The following RPS6KA5 variants were observed in gnomAD, a reference collection of about 807,000 sequenced individuals.
RPS6KA5 encodes the protein ribosomal protein S6 kinase A5.
A neutral mutation model predicts 85.5 loss-of-function variants in RPS6KA5; 27 were observed. That is an observed-to-expected ratio of 0.32 (90% CI 0.23 to 0.44). RPS6KA5 has a LOEUF of 0.44. Among genes scored for constraint, RPS6KA5 ranks in the 20% least tolerant of loss-of-function variants. The probability of loss-of-function intolerance (pLI) is 1.00; values close to 1 mark genes in which losing one functional copy is unlikely to be tolerated. For synonymous variants in RPS6KA5, 334 were observed against 348.2 expected (o/e 0.96, Z 0.46); for missense variants, 811 against 980.9 (o/e 0.83, Z 2.31).
chr14:90,976,896 T>C (rs1048197573), intron 3 of RPS6KA5, among the ~76,000 whole-genome samples: 1 of 152,144 alleles, frequency 6.6e-6, no homozygotes, highest in Non-Finnish European at 1.5e-5. Flanking sequence ...TAATTTCTAA[T>C]ATAAAAGCAC....
In RPS6KA5 at chr14:90,848,478, C is replaced by T. The variant is rs559551039; in HGVS notation, c.*23596G>A. On this transcript the variant is annotated 3_prime_UTR_variant, in exon 17 of 17. Transcript: ENST00000614987. Reference sequence around the variant, plus strand: ...AGAAAAGCAGATAAAGAAAAGCTGTCACTTAATAACACAGGTGGCAGCAAC... The same window carrying T: ...AGAAAAGCAGATAAAGAAAAGCTGTTACTTAATAACACAGGTGGCAGCAAC... The T allele has an allele frequency of 9.9e-5, 15 of 152,224 alleles. No individual in the cohort carries two copies. Among genetic ancestry groups the T allele is most frequent in the African/African-American group, 3.1e-4 (13 of 41,524 alleles). The allele number at this position is 152,224 out of a possible 1,614,324, so 9.4% of individuals were successfully genotyped here.
intron 2 of RPS6KA5, among the ~76,000 whole-genome samples, chr14:90,983,260 G>C (rs1458895053): frequency 6.9e-6 from 1 of 145,344 alleles, no homozygotes; most frequent in African/African-American, 2.5e-5. Flanking sequence ...CTGGGGGACA[G>C]AGCAGGACTC....
chr14:90,896,921 C>T (rs1250394171), intron 12 of RPS6KA5, among the ~76,000 whole-genome samples: 3 of 152,074 alleles, frequency 2.0e-5, no homozygotes, highest in Non-Finnish European at 1.5e-5. Context: ...TAGGGTCTCA[C>T]CATGTTGGCC....
chr14:90,928,417 C>T (rs1252354091), intron 5 of RPS6KA5, among the ~76,000 whole-genome samples: 1 of 151,496 alleles, frequency 6.6e-6, no homozygotes, highest in Non-Finnish European at 1.5e-5. Flanking sequence ...TAATAAACCT[C>T]ATCAAAGAAA....
At chr14:91,023,099 A>AAAG (rs1444423744) in intron 1 of RPS6KA5, among the ~76,000 whole-genome samples, 1 of 150,988 alleles carries the variant, frequency 6.6e-6, no homozygotes, top group Non-Finnish European at 1.5e-5. Context: ...AAAAAAAAAA[A>AAAG]AAAGATTTGT....
intron 6 of RPS6KA5, among the ~76,000 whole-genome samples, chr14:90,922,179 G>A (rs551098207): frequency 6.6e-6 from 1 of 152,168 alleles, no homozygotes; most frequent in Non-Finnish European, 1.5e-5. Flanking sequence ...GTTAAAGGCA[G>A]AAACTGGGAA....
chr14:91,014,451 G>A (rs1168280127), intron 1 of RPS6KA5, among the ~76,000 whole-genome samples: 2 of 145,790 alleles, frequency 1.4e-5, no homozygotes, highest in African/African-American at 5.1e-5. Context: ...GCAGTGAGCC[G>A]AGATCACACC....
chr14:91,016,158 G>T (rs1781245711), intron 1 of RPS6KA5, among the ~76,000 whole-genome samples: 1 of 152,140 alleles, frequency 6.6e-6, no homozygotes. Flanking sequence ...TATGGCAAGG[G>T]TATCAGCACA....
At chr14:90,880,526 T>C (rs1029946122) in intron 14 of RPS6KA5, among the ~76,000 whole-genome samples, 1 of 152,216 alleles carries the variant, frequency 6.6e-6, no homozygotes, top group Non-Finnish European at 1.5e-5. Context: ...CATCTATCCA[T>C]GGAAACTCAG....
intron 1 of RPS6KA5, among the ~76,000 whole-genome samples, chr14:91,054,795 A>G (rs913855200): frequency 7.2e-5 from 11 of 152,002 alleles, no homozygotes; most frequent in African/African-American, 2.7e-4. Flanking sequence ...TATTATTTAA[A>G]AAAAAAAATT....
At chr14:90,937,164 A>C (rs1595266506) in intron 5 of RPS6KA5, among the ~76,000 whole-genome samples, 2 of 152,130 alleles carry the variant, frequency 1.3e-5, no homozygotes, top group Non-Finnish European at 2.9e-5. Flanking sequence ...AGCCAAGCTG[A>C]GAGGTGATTT....
intron 3 of RPS6KA5, among the ~76,000 whole-genome samples, chr14:90,976,202 GAAAA>G (rs5810526): frequency 9.2e-6 from 1 of 109,018 alleles, no homozygotes; most frequent in Non-Finnish European, 1.9e-5. Flanking sequence ...TAAGAGAACA[GAAAA>G]AAAAAAAAAA....
At chr14:91,033,682 T>C (rs2139850084) in intron 1 of RPS6KA5, among the ~76,000 whole-genome samples, 1 of 152,298 alleles carries the variant, frequency 6.6e-6, no homozygotes, top group African/African-American at 2.4e-5. Flanking sequence ...AGAGTATAAA[T>C]TAATAAAACT....
In RPS6KA5 at chr14:90,870,941, C is replaced by T. The variant is rs1282684043; in HGVS notation, c.*1133G>A. Reference sequence around the variant, plus strand: ...TCAGAACTTTTGAGCAATAAAAGTGCTCTGCATAAGTTTATAAAATATGCT... The same window carrying T: ...TCAGAACTTTTGAGCAATAAAAGTGTTCTGCATAAGTTTATAAAATATGCT... On this transcript the variant is annotated 3_prime_UTR_variant, in exon 17 of 17. Coordinates refer to ENST00000614987, the MANE Select transcript of RPS6KA5 (RefSeq NM_004755.4). The T allele has an allele frequency of 6.6e-6, 1 of 151,148 alleles. No homozygotes were observed. Among genetic ancestry groups the T allele is most frequent in the East Asian group, 2.0e-4 (1 of 5,118 alleles). 9.4% of individuals were successfully genotyped at this position (151,148 alleles called of 1,614,324 possible). A position where few individuals can be genotyped will look rare whatever the true frequency, so the allele number is the denominator to read the frequency against.
At chr14:90,900,533 A>C in intron 10 of RPS6KA5, 78 bp downstream of exon 10, 1 of 1,428,626 alleles carries the variant, frequency 7.0e-7, no homozygotes, top group Middle Eastern at 1.8e-4. Flanking sequence ...TACTAGACTT[A>C]AGAACATTAA....
chr14:91,050,157 T>G (rs2043016190), intron 1 of RPS6KA5, among the ~76,000 whole-genome samples: 1 of 151,994 alleles, frequency 6.6e-6, no homozygotes, highest in African/African-American at 2.4e-5. Flanking sequence ...GCAGGAGGAT[T>G]GCTTGAGGCC....
Position 90,872,194 on chromosome 14 carries a change from G to C in RPS6KA5, c.2289C>G (p.Ser763=). ...CGTGAGAATGAGAGGAAGAAGAATGGGAACTCTCACTGGAACTGCTGCGCG... is the reference window on the plus strand; with the variant it reads ...CGTGAGAATGAGAGGAAGAAGAATGCGAACTCTCACTGGAACTGCTGCGCG... The part of the protein sequence containing the change: ...TETRSSSSES[S]HSSSSHSHGK... Residue 763 remains serine, a synonymous_variant, in exon 17 of 17, where the codon TCC becomes TCG. Coordinates refer to ENST00000614987, the MANE Select transcript of RPS6KA5 (RefSeq NM_004755.4). The C allele has an allele frequency of 6.2e-7, 1 of 1,613,866 alleles. No homozygotes were observed. The highest frequency in any genetic ancestry group is 1.1e-5 in the South Asian group (1 of 91,032).
At chr14:90,991,300 A>G (rs2040296302) in intron 2 of RPS6KA5, among the ~76,000 whole-genome samples, 1 of 152,214 alleles carries the variant, frequency 6.6e-6, no homozygotes, top group African/African-American at 2.4e-5. Flanking sequence ...GAAAGAATCC[A>G]TGCATAAGGT....
chr14:90,972,348 C>G (rs981419207), intron 3 of RPS6KA5, among the ~76,000 whole-genome samples: 5 of 152,136 alleles, frequency 3.3e-5, no homozygotes, highest in African/African-American at 1.2e-4. Context: ...CAGAGGGCAA[C>G]TAACCTTACC....
Sources: gnomAD v4.1 joint callset for allele counts (sites outside exome capture counted in the v4.1 genomes callset) on GRCh38, gnomAD v4.1.1 for gene constraint, MANE v1.5 for transcripts, NCBI Gene and HGNC (gene_info 2026-07-23, HGNC 2026-07-21) for gene names.